Variants in VEGFC observed in about 807,000 individuals in gnomAD.
VEGFC encodes the protein FLT4 ligand DHM.
VEGFC carries 12 observed loss-of-function variants against 46.1 expected under a neutral mutation model. The observed-to-expected ratio is 0.26, with a 90% CI of 0.17 to 0.42. The LOEUF (loss-of-function observed/expected upper bound fraction) is 0.42, where lower values mean the gene tolerates loss of function less well. Among genes scored for constraint, VEGFC ranks in the 10% least tolerant of loss-of-function variants. VEGFC has a pLI of 1.00. For synonymous variants in VEGFC, 232 were observed against 195.5 expected (o/e 1.19, Z -1.56); for missense variants, 488 against 529.4 (o/e 0.92, Z 0.77).
At chr4:176,727,572 T>C (rs1734892419) in intron 3 of VEGFC, among the ~76,000 whole-genome samples, 1 of 152,174 alleles carries the variant, frequency 6.6e-6, no homozygotes, top group Non-Finnish European at 1.5e-5. Context: ...TGCAAAGTAA[T>C]AAAGCATCAA....
intron 1 of VEGFC, among the ~76,000 whole-genome samples, chr4:176,743,556 TG>T (rs1396954112): frequency 6.6e-6 from 1 of 150,394 alleles, no homozygotes; most frequent in East Asian, 1.9e-4. Flanking sequence ...TAATATAATC[TG>T]TATAAAACAA....
chr4:176,702,827 A>T (rs3775193), intron 4 of VEGFC, among the ~76,000 whole-genome samples: 8,642 of 151,422 alleles, frequency 0.057, 444 homozygotes, highest in Admixed American at 0.12. Context: ...GTCACAGAAT[A>T]AAAAAAACAT....
intron 4 of VEGFC, among the ~76,000 whole-genome samples, chr4:176,691,563 A>G (rs1430440187): frequency 1.3e-5 from 2 of 152,198 alleles, no homozygotes; most frequent in Middle Eastern, 3.2e-3. Flanking sequence ...TTATTTTCAC[A>G]GCTTCACTTG....
rs558759954 is a variant in VEGFC at position 176,740,862 on chromosome 4, C to T, written c.148-11116G>A. Reference sequence around the variant, plus strand: ...TATATATGTAGAACCTCAATTAACACGTTTATTACAATAAATAACGTTCAA... The same window carrying T: ...TATATATGTAGAACCTCAATTAACATGTTTATTACAATAAATAACGTTCAA... On this transcript the variant is annotated intron_variant, in intron 1 of 6. Coordinates refer to ENST00000618562, the MANE Select transcript of VEGFC (RefSeq NM_005429.5). Among the ~76,000 whole-genome samples, 61 of 151,802 alleles carry T rather than the reference C, an allele frequency of 4.0e-4. 1 individual carries two copies. The highest frequency in any genetic ancestry group is 1.4e-3 in the African/African-American group (57 of 41,428).
chr4:176,773,180 C>A (rs996743902), intron 1 of VEGFC, among the ~76,000 whole-genome samples: 9 of 152,100 alleles, frequency 5.9e-5, no homozygotes, highest in Non-Finnish European at 1.3e-4. Context: ...TCCTTGAAAT[C>A]AGACATAAAG....
chr4:176,693,692 GA>G (rs1275242399), intron 4 of VEGFC, among the ~76,000 whole-genome samples: 2 of 144,514 alleles, frequency 1.4e-5, no homozygotes, highest in Non-Finnish European at 3.0e-5. Flanking sequence ...CACCAAAGTT[GA>G]AATGAAGGAA....
At chr4:176,731,322 A>G (rs899808796) in intron 1 of VEGFC, among the ~76,000 whole-genome samples, 1 of 152,124 alleles carries the variant, frequency 6.6e-6, no homozygotes, top group Non-Finnish European at 1.5e-5. Context: ...TACTGAAGGG[A>G]AAATTTATAA....
chr4:176,715,722 C>T (rs909436340), intron 3 of VEGFC, among the ~76,000 whole-genome samples: 10 of 149,102 alleles, frequency 6.7e-5, no homozygotes, highest in East Asian at 1.9e-4. Flanking sequence ...TAAGAATTTC[C>T]GTAAGCTTTT....
chr4:176,776,133 G>C (rs965809066), intron 1 of VEGFC, among the ~76,000 whole-genome samples: 1 of 152,058 alleles, frequency 6.6e-6, no homozygotes, highest in Non-Finnish European at 1.5e-5. Flanking sequence ...CATAATCGAG[G>C]CAACATATTA....
intron 1 of VEGFC, among the ~76,000 whole-genome samples, chr4:176,752,565 G>C (rs1215499230): frequency 2.0e-5 from 3 of 152,132 alleles, no homozygotes; most frequent in Non-Finnish European, 4.4e-5. Flanking sequence ...ATGTCTTTGA[G>C]TGAGTCTTTA....
intron 6 of VEGFC, among the ~76,000 whole-genome samples, chr4:176,685,976 A>C (rs1437648110): frequency 6.6e-6 from 1 of 152,220 alleles, no homozygotes; most frequent in Non-Finnish European, 1.5e-5. Context: ...ACTGTGGAAA[A>C]ATAATAATGA....
chr4:176,791,131 G>A (rs1258448136), intron 1 of VEGFC, among the ~76,000 whole-genome samples: 1 of 152,094 alleles, frequency 6.6e-6, no homozygotes. Context: ...TTGTGTATGT[G>A]TTAATCAACA....
chr4:176,713,124 A>G (rs1431265977), intron 3 of VEGFC, among the ~76,000 whole-genome samples: 1 of 152,214 alleles, frequency 6.6e-6, no homozygotes, highest in Non-Finnish European at 1.5e-5. Context: ...GATCTAAGTT[A>G]TTACTATTTG....
intron 4 of VEGFC, among the ~76,000 whole-genome samples, chr4:176,698,634 A>C (rs1200036364): frequency 6.6e-6 from 1 of 152,056 alleles, no homozygotes; most frequent in Non-Finnish European, 1.5e-5. Flanking sequence ...TGAGTAGAGT[A>C]ACTATGCTGT....
chr4:176,718,889 C>T (rs2111006523), intron 3 of VEGFC, among the ~76,000 whole-genome samples: 1 of 152,252 alleles, frequency 6.6e-6, no homozygotes, highest in Admixed American at 6.5e-5. Context: ...TTACCCCCTG[C>T]AAAATTCATT....
intron 1 of VEGFC, among the ~76,000 whole-genome samples, chr4:176,786,840 G>T (rs1287219008): frequency 6.6e-6 from 1 of 152,110 alleles, no homozygotes; most frequent in Non-Finnish European, 1.5e-5. Flanking sequence ...TTGAATTCCT[G>T]GATTACCTTT....
intron 1 of VEGFC, among the ~76,000 whole-genome samples, chr4:176,753,876 T>G (rs1735389854): frequency 6.6e-6 from 1 of 152,100 alleles, no homozygotes; most frequent in African/African-American, 2.4e-5. Flanking sequence ...GTCTTTTGGA[T>G]ATCTGATTTC....
At chr4:176,745,624 C>T (rs542771231) in intron 1 of VEGFC, among the ~76,000 whole-genome samples, 1 of 152,136 alleles carries the variant, frequency 6.6e-6, no homozygotes, top group South Asian at 2.1e-4. Flanking sequence ...TGATGTCCTG[C>T]TAACACTATA....
rs574864899 is a variant in VEGFC, at chr4:176,727,820, C to T, written c.510G>A (p.Gly170=). 1.9e-6 allele frequency: 3 copies of T among 1,613,754 alleles called. No individual in the cohort carries two copies. The highest frequency in any genetic ancestry group is 2.5e-6 in the Non-Finnish European group (3 of 1,179,786). The change falls in exon 3 of 7, where the codon GGG becomes GGA. Residue 170 remains glycine, a synonymous_variant. Coordinates refer to ENST00000618562, the MANE Select transcript of VEGFC (RefSeq NM_005429.5). ...TCGTGCTGGTGTTCATGCACTGCAG[C>T]CCCTCACTATTGCAGCAACCCCCAC... ...YRCGGCCNSE[G]LQCMNTSTSY...
Sources: gnomAD v4.1 joint callset for allele counts (sites outside exome capture counted in the v4.1 genomes callset) on GRCh38, gnomAD v4.1.1 for gene constraint, MANE v1.5 for transcripts, NCBI Gene and HGNC (gene_info 2026-07-23, HGNC 2026-07-21) for gene names.